ALAS1: variants seen among roughly 807,000 people sequenced by gnomAD.
ALAS1 encodes 5'-aminolevulinate synthase 1.
In ALAS1, 29 loss-of-function variants were observed where a neutral mutation model predicts 59.6. The ratio of observed to expected loss-of-function variants is 0.49; its 90% CI spans 0.36 to 0.66. The LOEUF is 0.66. Ranked by LOEUF, ALAS1 falls within the 30% of genes least tolerant of loss-of-function variation. The probability of loss-of-function intolerance (pLI) is 0.00; values close to 1 mark genes in which losing one functional copy is unlikely to be tolerated. For synonymous variants in ALAS1, 299 were observed against 296.6 expected (o/e 1.01, Z -0.08); for missense variants, 690 against 807.5 (o/e 0.85, Z 1.76).
chr3:52,204,975 A>T (rs1215069809), intron 6 of ALAS1, 60 bp downstream of exon 6: 2 of 1,437,896 alleles, frequency 1.4e-6, no homozygotes, highest in Non-Finnish European at 1.9e-6. Flanking sequence ...ATGATGATGT[A>T]TAGGGGTTGG....
chr3:52,212,335 TTACCC>T lies in ALAS1; in HGVS notation c.1681_1685del (p.Pro561GlyfsTer26), dbSNP rs1186858426. On this transcript the variant is annotated frameshift_variant, in exon 11 of 12. Transcript: ENST00000484952. LOFTEE classifies it high-confidence loss of function. ...ATAACATCTACGTGCAAGCAATCAA[TTACCC>T]TACGGTGCCCCGGGGAGAAGAGCTC... 6.2e-7 allele frequency: 1 copy of T among 1,614,176 alleles called. No homozygotes were observed. Among genetic ancestry groups the T allele is most frequent in the South Asian group, 1.1e-5 (1 of 91,080 alleles).
chr3:52,199,604 G>A (rs939513039), intron 3 of ALAS1, among the ~76,000 whole-genome samples, 164 bp downstream of exon 3: 1 of 152,178 alleles, frequency 6.6e-6, no homozygotes, highest in African/African-American at 2.4e-5. Flanking sequence ...GTCCCCCCAA[G>A]GGTAGGCACT....
intron 6 of ALAS1, 21 bp downstream of exon 6, chr3:52,204,936 A>G (rs953515718): frequency 5.8e-5 from 92 of 1,591,850 alleles, no homozygotes; most frequent in Non-Finnish European, 7.7e-5. Context: ...CTTGGCTTTC[A>G]AATATTACTG....
At position 52,199,245 on chromosome 3, in the gene ALAS1, G is replaced by C; in HGVS notation, c.4G>C (p.Glu2Gln). The change falls in exon 3 of 12, where the codon GAG becomes CAG. Residue 2 changes from glutamate (E) to glutamine (Q), a missense_variant. Transcript: ENST00000484952. ...GGAGCCAGCATACTTCCTGAACATG[G>C]AGAGTGTTGTTCGCCGCTGCCCATT... M[E>Q]SVVRRCPFLS... 6.2e-7 allele frequency: 1 copy of C among 1,614,164 alleles called. No homozygotes were observed. Among genetic ancestry groups the C allele is most frequent in the Non-Finnish European group, 8.5e-7 (1 of 1,180,032 alleles).
chr3:52,208,364 C>A lies in ALAS1; in HGVS notation c.1330+117C>A, dbSNP rs959601016. On this transcript the variant is annotated intron_variant, in intron 9 of 11. Coordinates refer to ENST00000484952, the MANE Select transcript of ALAS1 (RefSeq NM_000688.6). Reference sequence around the variant, plus strand: ...GCCTGACAGCATATGAAGCCTGGGCCACTCTTTCTTTTGGCCCAGCTTAGT... The same window carrying A: ...GCCTGACAGCATATGAAGCCTGGGCAACTCTTTCTTTTGGCCCAGCTTAGT... The A allele has an allele frequency of 3.4e-6, 4 of 1,181,516 alleles. No individual in the cohort carries two copies. The African/African-American group carries it at 4.7e-5, about 14-fold the overall frequency. 73.2% of individuals were successfully genotyped at this position (1,181,516 alleles called of 1,614,324 possible).
intron 9 of ALAS1, among the ~76,000 whole-genome samples, chr3:52,210,425 G>C (rs1044077316): frequency 6.6e-6 from 1 of 152,162 alleles, no homozygotes; most frequent in Admixed American, 6.5e-5. Context: ...ACACCAGCTT[G>C]GCCATATGAC....
At chr3:52,202,032 A>G (rs1699196727) in intron 3 of ALAS1, among the ~76,000 whole-genome samples, 1 of 152,190 alleles carries the variant, frequency 6.6e-6, no homozygotes. Context: ...ATGAAAAACT[A>G]GAGAGATTAG....
At chr3:52,211,670 G>A in intron 10 of ALAS1, 119 bp downstream of exon 10, 5 of 1,400,196 alleles carry the variant, frequency 3.6e-6, no homozygotes, top group Non-Finnish European at 4.9e-6. Flanking sequence ...CAGGGCAGGG[G>A]TTGTAGCCAG....
intron 11 of ALAS1, among the ~76,000 whole-genome samples, chr3:52,213,060 C>T (rs936825829): frequency 6.6e-6 from 1 of 152,138 alleles, no homozygotes; most frequent in African/African-American, 2.4e-5. Flanking sequence ...CCCGCTGTCC[C>T]TCCGGAGTCC....
At position 52,211,560 on chromosome 3, in the gene ALAS1, C is replaced by T. The variant is rs1172751986; in HGVS notation, c.1599+9C>T. The T allele has an allele frequency of 1.2e-6, 2 of 1,612,612 alleles. No homozygotes were observed. The highest frequency in any genetic ancestry group is 1.7e-6 in the Non-Finnish European group (2 of 1,178,674). The stretch of plus-strand genomic sequence containing the variant: ...ACATCATCCCTGTGCGGGTAATGGC[C>T]TGTCTCTGATTGGACTTGCCGTGGG... On this transcript the variant is annotated intron_variant, in intron 10 of 11. Transcript: ENST00000484952.
At chr3:52,204,641 G>A (rs1210323630) in intron 5 of ALAS1, 52 bp from the exon 6 acceptor site, 14 of 1,500,680 alleles carry the variant, frequency 9.3e-6, no homozygotes, top group African/African-American at 1.4e-5. Flanking sequence ...TCACCAAAAT[G>A]CAGCTGTGTT....
Position 52,203,915 on chromosome 3 carries a change from A to G in ALAS1, c.480A>G (p.Gly160=). The change falls in exon 5 of 12, where the codon GGA becomes GGG. Residue 160 remains glycine (G), a synonymous_variant. Transcript: ENST00000484952. The part of the protein sequence containing the change: ...GPSVVSVKTD[G]GDPSGLLKNF... The stretch of plus-strand genomic sequence containing the variant: ...GTGTGGTTAGTGTGAAAACCGATGG[A>G]GGGGATCCCAGTGGACTGCTGAAGA... The G allele has an allele frequency of 6.2e-7, 1 of 1,613,154 alleles. No homozygotes were observed. Among genetic ancestry groups the G allele is most frequent in the Non-Finnish European group, 8.5e-7 (1 of 1,179,414 alleles).
rs986757631 is a variant in ALAS1 at position 52,198,681 on chromosome 3, G to T, written c.-200G>T. ...GCCCCTCCTTTCTCAGTTATGCCCA[G>T]TTCTTCCCGCTGTGGGGACACGACC... On this transcript the variant is annotated 5_prime_UTR_variant, in exon 2 of 12. Transcript: ENST00000484952. 6 of 926,750 alleles carry T rather than the reference G, an allele frequency of 6.5e-6. No individual in the cohort carries two copies. Among genetic ancestry groups the T allele is most frequent in the Admixed American group, 2.1e-5 (1 of 47,934 alleles). 57.4% of individuals were successfully genotyped at this position (926,750 alleles called of 1,614,324 possible).
At position 52,202,677 on chromosome 3, in the gene ALAS1, T is replaced by C. The variant is rs1238519453; in HGVS notation, c.370T>C (p.Cys124Arg). The C allele has an allele frequency of 6.2e-7, 1 of 1,614,230 alleles. No individual in the cohort carries two copies. Among genetic ancestry groups the C allele is most frequent in the Non-Finnish European group, 8.5e-7 (1 of 1,180,040 alleles). ...QMNQRGSSVF[C>R]KASLELQEDV... Reference sequence around the variant, plus strand: ...GAATCAGAGAGGCAGCAGTGTCTTCTGCAAAGCCAGTCTTGAGCTTCAGGA... The same window carrying C: ...GAATCAGAGAGGCAGCAGTGTCTTCCGCAAAGCCAGTCTTGAGCTTCAGGA... Residue 124 changes from cysteine to arginine, a missense_variant, in exon 4 of 12, where the codon TGC becomes CGC. Coordinates refer to ENST00000484952, the MANE Select transcript of ALAS1 (RefSeq NM_000688.6).
At chr3:52,213,695 C>T (rs1018787026) in intron 11 of ALAS1, among the ~76,000 whole-genome samples, 4 of 152,302 alleles carry the variant, frequency 2.6e-5, no homozygotes, top group Middle Eastern at 3.4e-3. Context: ...ATGGATTTGC[C>T]TTTTCTGGAC....
intron 7 of ALAS1, 78 bp from the exon 8 acceptor site, chr3:52,206,494 G>T: frequency 6.7e-7 from 1 of 1,482,922 alleles, no homozygotes; most frequent in Non-Finnish European, 9.2e-7. Flanking sequence ...CATTTCCAAG[G>T]AAAAGTCTGT....
chr3:52,206,809 T>C lies in ALAS1; in HGVS notation c.1165+58T>C. On this transcript the variant is annotated intron_variant, in intron 8 of 11. Coordinates refer to ENST00000484952, the MANE Select transcript of ALAS1 (RefSeq NM_000688.6). ...AGATGAAAAACTATGCCTGAACTCTTTAAAAGTATGGTGTTTTGTTGTGTT... is the reference window on the plus strand; with the variant it reads ...AGATGAAAAACTATGCCTGAACTCTCTAAAAGTATGGTGTTTTGTTGTGTT... The C allele has an allele frequency of 1.9e-6, 3 of 1,542,780 alleles. No individual in the cohort carries two copies. The Admixed American group carries it at 6.0e-5, about 31-fold the overall frequency.
intron 4 of ALAS1, among the ~76,000 whole-genome samples, chr3:52,203,482 A>C (rs950210756): frequency 2.6e-5 from 4 of 152,136 alleles, no homozygotes; most frequent in African/African-American, 4.8e-5. Flanking sequence ...CAGAGGTTGC[A>C]ATGAGTCGAG....
rs1211138302 is a variant in ALAS1, at chr3:52,199,199, C to T, written c.-32-11C>T. ...TGATTATTAACAACTGTTGATGTCA[C>T]TCTTCATCAGTCTTTCCACAGGAGC... On this transcript the variant is annotated splice_polypyrimidine_tract_variant and intron_variant, in intron 2 of 11. Transcript: ENST00000484952. 2 of 1,611,838 alleles carry T rather than the reference C, an allele frequency of 1.2e-6. No individual in the cohort carries two copies. The highest frequency in any genetic ancestry group is 1.3e-5 in the African/African-American group (1 of 74,892).
Sources: allele counts gnomAD v4.1 joint callset (sites outside exome capture counted in the v4.1 genomes callset), GRCh38; gene constraint gnomAD v4.1.1; transcripts MANE v1.5; gene names NCBI Gene and HGNC (gene_info 2026-07-23, HGNC 2026-07-21).